Variants in ENG observed in about 807,000 individuals in gnomAD.
ENG encodes endoglin.
In ENG, 17 loss-of-function variants were observed where a neutral mutation model predicts 71.0. That is an observed-to-expected ratio of 0.24 (90% CI 0.16 to 0.36). The LOEUF is 0.36. Among genes scored for constraint, ENG ranks in the 10% least tolerant of loss-of-function variants. ENG has a pLI of 1.00. For missense variants in ENG, 749 were observed against 868.3 expected, an observed-to-expected ratio of 0.86 and a Z score of 1.73; for synonymous variants, 360 against 366.9, an observed-to-expected ratio of 0.98 and a Z score of 0.21.
At position 127,843,095 on chromosome 9, in the gene ENG, G is replaced by A. The variant is rs200960408; in HGVS notation, c.218C>T (p.Thr73Met). 101 of 1,613,990 alleles carry A rather than the reference G, an allele frequency of 6.3e-5. No homozygotes were observed. In the Middle Eastern group the frequency reaches 6.7e-4, roughly 11 times the overall value. ...CCGACCCTGCCATGGGACACTCACCGTTGGGAACTCCAGGAAGAGGACATG... is the reference window on the plus strand; with the variant it reads ...CCGACCCTGCCATGGGACACTCACCATTGGGAACTCCAGGAAGAGGACATG... ...EVHVLFLEFPTGPSQLELTLQ... is the reference protein window; with the variant it reads ...EVHVLFLEFPMGPSQLELTLQ... Residue 73 changes from threonine to methionine, a missense_variant and splice_region_variant, in exon 2 of 15, where the codon ACG becomes ATG. Transcript: ENST00000373203.
At position 127,854,309 on chromosome 9, in the gene ENG, C is replaced by G; in HGVS notation, c.47G>C (p.Ser16Thr). 6.3e-7 allele frequency: 1 copy of G among 1,594,226 alleles called. No individual in the cohort carries two copies. The highest frequency in any genetic ancestry group is 8.5e-7 in the Non-Finnish European group (1 of 1,171,102). Reference sequence around the variant, plus strand: ...CCTACTTGTGGGGCTGAGGCTGCAGCTGGCCAGCAGCAGGGCAACAGCCAG... The same window carrying G: ...CCTACTTGTGGGGCTGAGGCTGCAGGTGGCCAGCAGCAGGGCAACAGCCAG... Reference protein sequence around the residue: ...LPLAVALLLASCSLSPTSLAE... With the variant: ...LPLAVALLLATCSLSPTSLAE... Residue 16 changes from serine (S) to threonine (T), a missense_variant, in exon 1 of 15, where the codon AGC becomes ACC. Transcript: ENST00000373203.
chr9:127,851,145 A>AT (rs1047854858), intron 1 of ENG, among the ~76,000 whole-genome samples: 2 of 151,622 alleles, frequency 1.3e-5, no homozygotes, highest in Admixed American at 6.6e-5. Context: ...CCTTTTCTCT[A>AT]TTTTTTTTGA....
At chr9:127,851,324 A>G (rs1831280441) in intron 1 of ENG, among the ~76,000 whole-genome samples, 1 of 151,698 alleles carries the variant, frequency 6.6e-6, no homozygotes, top group Non-Finnish European at 1.5e-5. Context: ...GGGTCAAGCG[A>G]TTCTCCTGCC....
In ENG at chr9:127,843,684, C is replaced by CAT. The variant is rs1288431840; in HGVS notation, c.68-441_68-440dup. On this transcript the variant is annotated intron_variant, in intron 1 of 14. Transcript: ENST00000373203. ...ACATATACATAGATCTACATATATA[C>CAT]ATACATATATACATATATAGATATA... is the stretch of plus-strand genomic sequence containing the variant. Among the ~76,000 whole-genome samples the CAT allele has an allele frequency of 4.1e-4, 11 of 26,972 alleles. No homozygotes were observed. The South Asian group carries it at 0.029, about 71-fold the overall frequency. The allele number at this position is 26,972 out of a possible 152,430, so 17.7% of individuals were successfully genotyped here. A position where few individuals can be genotyped will look rare whatever the true frequency, so the allele number is the denominator to read the frequency against.
At position 127,820,148 on chromosome 9, in the gene ENG, C is replaced by T. The variant is rs1041368577; in HGVS notation, c.1135-111G>A. The T allele has an allele frequency of 6.4e-6, 9 of 1,410,320 alleles. No homozygotes were observed. In the African/African-American group the frequency reaches 1.1e-4, roughly 18 times the overall value. 87.4% of individuals were successfully genotyped at this position (1,410,320 alleles called of 1,614,324 possible). ...CAGGGGTCCCAAGTCACAGCCATTC[C>T]CCTGCCCTGCTCCCTCTTCATTTTT... On this transcript the variant is annotated intron_variant, in intron 8 of 14. Transcript: ENST00000373203.
At chr9:127,826,472 A>T in intron 4 of ENG, 38 bp downstream of exon 4, 1 of 1,613,424 alleles carries the variant, frequency 6.2e-7, no homozygotes, top group Non-Finnish European at 8.5e-7. Context: ...CCTCCTGAGC[A>T]GTATCATGAG....
intron 1 of ENG, among the ~76,000 whole-genome samples, chr9:127,847,885 G>T (rs1474971838): frequency 6.6e-6 from 1 of 152,038 alleles, no homozygotes; most frequent in African/African-American, 2.4e-5. Flanking sequence ...CCTTGGCCCC[G>T]GGCTCCCCCC....
chr9:127,820,045 G>A lies in ENG; in HGVS notation c.1135-8C>T, dbSNP rs79426098. The A allele has an allele frequency of 2.7e-5, 44 of 1,613,102 alleles. No homozygotes were observed. Among genetic ancestry groups the A allele is most frequent in the African/African-American group, 2.5e-4 (19 of 75,032 alleles). On this transcript the variant is annotated splice_polypyrimidine_tract_variant and splice_region_variant and intron_variant, in intron 8 of 14. Coordinates refer to ENST00000373203, the MANE Select transcript of ENG (RefSeq NM_001114753.3). ...GATGGTGCACTTCAAATGCTGGGTC[G>A]GAAGAGAGGGGCACCATCAGGAGGC...
intron 2 of ENG, among the ~76,000 whole-genome samples, chr9:127,833,247 C>T (rs528401554): frequency 3.9e-5 from 6 of 152,058 alleles, no homozygotes; most frequent in South Asian, 2.1e-4. Context: ...GTAGACCAGG[C>T]GTGGTGGCTT....
rs1004183185 is a variant in ENG at position 127,815,455 on chromosome 9, C to T, written c.*227G>A. The T allele has an allele frequency of 9.7e-6, 8 of 824,698 alleles. No homozygotes were observed. Among genetic ancestry groups the T allele is most frequent in the Non-Finnish European group, 1.5e-5 (8 of 550,104 alleles). The allele number at this position is 824,698 out of a possible 1,614,324, so 51.1% of individuals were successfully genotyped here. ...GTCTGTCTCCTGGGCAGCCATATCC[C>T]AGACCCACTGGGTTGAAGGTTCTGT... is the stretch of plus-strand genomic sequence containing the variant. On this transcript the variant is annotated 3_prime_UTR_variant, in exon 15 of 15. Coordinates refer to ENST00000373203, the MANE Select transcript of ENG (RefSeq NM_001114753.3).
intron 1 of ENG, among the ~76,000 whole-genome samples, chr9:127,843,622 C>T (rs1206535937): frequency 6.7e-6 from 1 of 148,462 alleles, no homozygotes; most frequent in Non-Finnish European, 1.5e-5. Context: ...CACTGGGCCC[C>T]ATGTATATAT....
In ENG at chr9:127,835,094, G is replaced by A. The variant is rs183706291; in HGVS notation, c.220-5267C>T. Among the ~76,000 whole-genome samples, 98 of 152,064 alleles carry A rather than the reference G, an allele frequency of 6.4e-4. 3 individuals carry two copies. Among genetic ancestry groups the A allele is most frequent in the Admixed American group, 6.4e-3 (98 of 15,272 alleles). On this transcript the variant is annotated intron_variant, in intron 2 of 14. Transcript: ENST00000373203. ...GCTCACTGCAACTTCCGCCCCTCAG[G>A]CTCAAGTGATCCTCCCGCCTTAGCC...
chr9:127,819,819 T>G (rs958548763), intron 9 of ENG, 81 bp downstream of exon 9: 1 of 1,612,004 alleles, frequency 6.2e-7, no homozygotes, highest in African/African-American at 1.3e-5. Flanking sequence ...CAAACACACC[T>G]CCACCCTGGG....
At position 127,819,897 on chromosome 9, in the gene ENG, T is replaced by C. The variant is rs771559826; in HGVS notation, c.1272+3A>G. 6.2e-7 allele frequency: 1 copy of C among 1,614,224 alleles called. No individual in the cohort carries two copies. Among genetic ancestry groups the C allele is most frequent in the South Asian group, 1.1e-5 (1 of 91,088 alleles). On this transcript the variant is annotated splice_donor_region_variant and intron_variant, in intron 9 of 14. Transcript: ENST00000373203. ...CTGATACCTTTTTGGCCCCAGCTCT[T>C]ACCTCATTGCTGATCATACTTGCTG...
At position 127,836,126 on chromosome 9, in the gene ENG, C is replaced by T. The variant is rs1302156157; in HGVS notation, c.220-6299G>A. Among the ~76,000 whole-genome samples the T allele has an allele frequency of 2.6e-5, 4 of 152,368 alleles. No homozygotes were observed. Among genetic ancestry groups the T allele is most frequent in the East Asian group, 3.9e-4 (2 of 5,192 alleles). On this transcript the variant is annotated intron_variant, in intron 2 of 14. Coordinates refer to ENST00000373203, the MANE Select transcript of ENG (RefSeq NM_001114753.3). The surrounding 1 kb of genome is among the most constrained non-coding windows in gnomAD (Gnocchi z 4.0). ...TGACTCACCGCCACGGCCACTCACA[C>T]GCACACCGACTTCCCCCTTCTCTCC...
chr9:127,842,527 C>G (rs1831060867), intron 2 of ENG, among the ~76,000 whole-genome samples: 1 of 152,080 alleles, frequency 6.6e-6, no homozygotes, highest in African/African-American at 2.4e-5. Flanking sequence ...CTGGTTCAAG[C>G]AATTCTCCTG....
At chr9:127,834,151 C>T (rs1274335939) in intron 2 of ENG, among the ~76,000 whole-genome samples, 1 of 152,202 alleles carries the variant, frequency 6.6e-6, no homozygotes, top group Non-Finnish European at 1.5e-5. Flanking sequence ...CGGCTCACTG[C>T]CACCTCCGCC....
intron 2 of ENG, among the ~76,000 whole-genome samples, chr9:127,831,691 T>C (rs961717957): frequency 6.6e-6 from 1 of 151,022 alleles, no homozygotes; most frequent in African/African-American, 2.4e-5. Flanking sequence ...GGCCTTTTTT[T>C]TTTTTTTTTC....
intron 1 of ENG, chr9:127,847,288 T>A (rs1467795461): frequency 6.6e-6 from 1 of 152,252 alleles, no homozygotes; most frequent in African/African-American, 2.4e-5. Context: ...CGGCCTGGAT[T>A]TAAACCCAGA....
Sources: allele counts gnomAD v4.1 joint callset (sites outside exome capture counted in the v4.1 genomes callset), GRCh38; gene constraint gnomAD v4.1.1; non-coding constraint Gnocchi (gnomAD v3.1); transcripts MANE v1.5; gene names NCBI Gene and HGNC (gene_info 2026-07-23, HGNC 2026-07-21).